TMEM244: variants seen among roughly 807,000 people sequenced by gnomAD.
TMEM244 encodes transmembrane protein 244, also known as putative transmembrane protein 244.
TMEM244 carries 13 observed loss-of-function variants against 15.8 expected under a neutral mutation model. The observed-to-expected ratio is 0.82, with a 90% CI of 0.53 to 1.30. TMEM244 has a LOEUF of 1.30. Ranked by LOEUF, TMEM244 falls within the 50% of genes most tolerant of loss-of-function variation. The pLI is 0.00. For synonymous variants in TMEM244, 45 were observed against 48.7 expected (o/e 0.92, Z 0.32); for missense variants, 161 against 144.9 (o/e 1.11, Z -0.57).
At chr6:129,832,176 C>A (rs1172294675) in intron 4 of TMEM244, among the ~76,000 whole-genome samples, 2 of 149,884 alleles carry the variant, frequency 1.3e-5, no homozygotes, top group African/African-American at 2.5e-5. Context: ...CGGCTTACTG[C>A]AACCTCTGCC....
At chr6:129,844,260 C>T (rs1459817024) in intron 2 of TMEM244, among the ~76,000 whole-genome samples, 3 of 152,182 alleles carry the variant, frequency 2.0e-5, no homozygotes, top group East Asian at 1.9e-4. Context: ...CAATTAAGTT[C>T]CACTTTGTCC....
intron 1 of TMEM244, among the ~76,000 whole-genome samples, chr6:129,849,899 G>A (rs1441949926): frequency 3.3e-5 from 5 of 152,188 alleles, no homozygotes; most frequent in East Asian, 1.9e-4. Flanking sequence ...CTCCGTGCAC[G>A]TGTGTGAAGG....
intron 1 of TMEM244, among the ~76,000 whole-genome samples, chr6:129,854,971 T>A (rs1292496594): frequency 6.6e-6 from 1 of 152,164 alleles, no homozygotes; most frequent in South Asian, 2.1e-4. Flanking sequence ...TTCACAAAGG[T>A]TATTATTCTT....
chr6:129,850,257 C>T (rs1223902764), intron 1 of TMEM244, among the ~76,000 whole-genome samples: 1 of 152,078 alleles, frequency 6.6e-6, no homozygotes, highest in Admixed American at 6.6e-5. Flanking sequence ...GTTTAAAGAG[C>T]TGAAGTCAGA....
rs1474434735 is a variant in TMEM244, at chr6:129,842,567, CA to C, written c.193+962del. ...TTTCTATATTTGCATATTTGTACCC[CA>C]AAAATATTCTCCAGTGGTTTTTCTA... On this transcript the variant is annotated intron_variant, in intron 3 of 4. Transcript: ENST00000368143. Among the ~76,000 whole-genome samples the C allele has an allele frequency of 2.2e-5, 3 of 138,800 alleles. No individual in the cohort carries two copies. The East Asian group carries it at 6.0e-4, about 28-fold the overall frequency. The allele number at this position is 138,800 out of a possible 152,430, so 91.1% of individuals were successfully genotyped here. A position where few individuals can be genotyped will look rare whatever the true frequency, so the allele number is the denominator to read the frequency against.
At chr6:129,837,494 C>A (rs542993489) in intron 3 of TMEM244, among the ~76,000 whole-genome samples, 1 of 152,052 alleles carries the variant, frequency 6.6e-6, no homozygotes, top group Non-Finnish European at 1.5e-5. Flanking sequence ...AGACTTTAGA[C>A]GCTATGAAGA....
At chr6:129,860,175 G>A (rs561600128) in intron 1 of TMEM244, among the ~76,000 whole-genome samples, 29 of 149,762 alleles carry the variant, frequency 1.9e-4, no homozygotes, top group Non-Finnish European at 3.6e-4. Context: ...TGTAAGCCCC[G>A]ACTAAATATA....
chr6:129,847,059 C>CA (rs1464523742), intron 1 of TMEM244, among the ~76,000 whole-genome samples: 3 of 152,096 alleles, frequency 2.0e-5, no homozygotes, highest in Non-Finnish European at 2.9e-5. Context: ...TAATATATAT[C>CA]ACAGGAAAAG....
chr6:129,859,382 G>A (rs1269499818), intron 1 of TMEM244, among the ~76,000 whole-genome samples: 1 of 152,216 alleles, frequency 6.6e-6, no homozygotes, highest in Non-Finnish European at 1.5e-5. Context: ...CATGAGATAT[G>A]ACTCTCTCAC....
chr6:129,855,511 A>G (rs975347179), intron 1 of TMEM244, among the ~76,000 whole-genome samples: 3 of 152,188 alleles, frequency 2.0e-5, no homozygotes, highest in Non-Finnish European at 4.4e-5. Flanking sequence ...TACTACACAC[A>G]ATAAATCCTA....
intron 2 of TMEM244, among the ~76,000 whole-genome samples, chr6:129,844,839 A>G (rs1480513): frequency 0.36 from 54,686 of 152,112 alleles, 11,089 homozygotes; most frequent in Non-Finnish European, 0.48. Context: ...AAACATTGGT[A>G]TCATTATTTT....
chr6:129,846,225 T>C (rs1776559473), intron 1 of TMEM244, among the ~76,000 whole-genome samples: 1 of 152,166 alleles, frequency 6.6e-6, no homozygotes, highest in Admixed American at 6.5e-5. Context: ...CCATTAAACT[T>C]TTCTTATTTC....
At chr6:129,851,985 G>A (rs1315669103) in intron 1 of TMEM244, among the ~76,000 whole-genome samples, 3 of 152,112 alleles carry the variant, frequency 2.0e-5, no homozygotes, top group Admixed American at 6.6e-5. Flanking sequence ...AGGTTTTTAA[G>A]GTAAGATAAT....
intron 4 of TMEM244, among the ~76,000 whole-genome samples, chr6:129,832,113 T>A (rs984759524): frequency 6.6e-6 from 1 of 150,618 alleles, no homozygotes; most frequent in Non-Finnish European, 1.5e-5. Context: ...TTTTTTTTTT[T>A]CTGAGACAGA....
In TMEM244 at chr6:129,831,402, A is replaced by C. The variant is rs757685820; in HGVS notation, c.320-16T>G. The C allele has an allele frequency of 1.3e-6, 2 of 1,544,130 alleles. No homozygotes were observed. Among genetic ancestry groups the C allele is most frequent in the African/African-American group, 2.7e-5 (2 of 74,214 alleles). ...TCCAACATAACTGCAATAGAAAAAA[A>C]ATGTTTAATTTCAAAACATGCGTTT... On this transcript the variant is annotated splice_polypyrimidine_tract_variant and intron_variant, in intron 4 of 4. Coordinates refer to ENST00000368143, the MANE Select transcript of TMEM244 (RefSeq NM_001010876.2).
chr6:129,845,726 G>T (rs17475221), intron 2 of TMEM244, 41 bp downstream of exon 2: 155,615 of 1,402,718 alleles, frequency 0.11, 9,506 homozygotes, highest in Middle Eastern at 0.16. Context: ...CCTATTCAAT[G>T]TTAGCTTTTT....
At chr6:129,852,464 A>G (rs1033330869) in intron 1 of TMEM244, among the ~76,000 whole-genome samples, 2 of 152,132 alleles carry the variant, frequency 1.3e-5, no homozygotes, top group South Asian at 2.1e-4. Flanking sequence ...GGAGCACAGA[A>G]GCTGGCACTT....
chr6:129,833,709 T>A (rs903127131), intron 3 of TMEM244, 124 bp from the exon 4 acceptor site: 4 of 934,606 alleles, frequency 4.3e-6, no homozygotes, highest in Non-Finnish European at 6.3e-6. Context: ...TTTTTAAATG[T>A]TCCATTTCCT....
intron 3 of TMEM244, among the ~76,000 whole-genome samples, chr6:129,835,672 G>C (rs748202509): frequency 1.3e-5 from 2 of 152,170 alleles, no homozygotes; most frequent in Admixed American, 1.3e-4. Flanking sequence ...ATGACAGACT[G>C]TATGTGGAGA....
Sources: gnomAD v4.1 joint callset for allele counts (sites outside exome capture counted in the v4.1 genomes callset) on GRCh38, gnomAD v4.1.1 for gene constraint, MANE v1.5 for transcripts, NCBI Gene and HGNC (gene_info 2026-07-23, HGNC 2026-07-21) for gene names.